The following STARD13 variants were observed in gnomAD, a reference collection of about 807,000 sequenced individuals.
STARD13 encodes StAR related lipid transfer domain containing 13, also known as stAR-related lipid transfer protein 13.
Under a neutral mutation model 106.4 loss-of-function variants are expected in STARD13, and 62 were observed. The observed-to-expected ratio is 0.58, with a 90% CI of 0.48 to 0.72. STARD13 has a LOEUF of 0.72. Among genes scored for constraint, STARD13 ranks in the 30% least tolerant of loss-of-function variants. The pLI, the probability that STARD13 is intolerant of heterozygous loss-of-function variation, is 0.00. For synonymous variants in STARD13, 565 were observed against 553.0 expected (o/e 1.02, Z -0.31); for missense variants, 1,387 against 1,424.0 (o/e 0.97, Z 0.42).
intron 3 of STARD13, among the ~76,000 whole-genome samples, chr13:33,147,870 G>C (rs1307261508): frequency 1.3e-5 from 2 of 152,180 alleles, no homozygotes; most frequent in Non-Finnish European, 2.9e-5. Flanking sequence ...TGAAAGAATA[G>C]ACAAAGAGAT....
At chr13:33,354,339 C>T (rs372819764), upstream of STARD13, among the ~76,000 whole-genome samples, 7 of 152,324 alleles carry the variant, frequency 4.6e-5, no homozygotes, top group South Asian at 2.1e-4. Flanking sequence ...ACTCATCCTT[C>T]GAGATTCAAC....
At chr13:33,121,013 TTACAGGTGTGAGCCGCCATGGCTGGCCTA>T (rs1245829719) in intron 7 of STARD13, among the ~76,000 whole-genome samples, 1 of 152,102 alleles carries the variant, frequency 6.6e-6, no homozygotes, top group African/African-American at 2.4e-5. Context: ...AGTGCTGGCA[TTACAGGTGTGAGCCGCCATGGCTGGCCTA>T]TTTCCTGACT....
intron 1 of STARD13, among the ~76,000 whole-genome samples, chr13:33,341,021 C>T (rs1266495209): frequency 1.3e-5 from 2 of 152,170 alleles, no homozygotes; most frequent in African/African-American, 4.8e-5. Context: ...AATGTTTGTC[C>T]TTCAACTCAA....
the STARD13 span, among the ~76,000 whole-genome samples, chr13:33,502,104 C>T: frequency 0.3 from 45,266 of 151,980 alleles, 7,585 homozygotes; most frequent in Non-Finnish European, 0.39. Flanking sequence ...CTTCACATCC[C>T]TTATAAGTTG....
At chr13:33,594,434 C>T in the STARD13 span, among the ~76,000 whole-genome samples, 2 of 152,128 alleles carry the variant, frequency 1.3e-5, no homozygotes, top group Non-Finnish European at 2.9e-5. Context: ...TCTACTAAAA[C>T]CATGAACTTT....
intron 1 of STARD13, among the ~76,000 whole-genome samples, chr13:33,321,837 G>A (rs1167565267): frequency 6.6e-6 from 1 of 152,196 alleles, no homozygotes; most frequent in African/African-American, 2.4e-5. Flanking sequence ...GCTCATAGGA[G>A]TTTTTCTTCT....
chr13:33,568,668 G>A, the STARD13 span, among the ~76,000 whole-genome samples: 1 of 147,886 alleles, frequency 6.8e-6, no homozygotes, highest in Non-Finnish European at 1.5e-5. Flanking sequence ...AAAGTCCCAG[G>A]TTATAAACGG....
the STARD13 span, among the ~76,000 whole-genome samples, chr13:33,637,465 G>A: frequency 1.1e-3 from 173 of 152,296 alleles, no homozygotes; most frequent in African/African-American, 4.0e-3. Flanking sequence ...AGGATAAACA[G>A]CCACAGGGTA....
intron 1 of STARD13, among the ~76,000 whole-genome samples, chr13:33,311,129 TA>T (rs35391177): frequency 0.022 from 2,873 of 128,390 alleles, 66 homozygotes; most frequent in African/African-American, 0.05. Context: ...CACCATTTCT[TA>T]AAAAAAAAAA....
chr13:33,668,456 T>C, the STARD13 span, among the ~76,000 whole-genome samples: 4 of 152,230 alleles, frequency 2.6e-5, no homozygotes, highest in East Asian at 7.7e-4. Context: ...TGACAATTGG[T>C]CAAACTGGAT....
At chr13:33,653,243 A>G in the STARD13 span, among the ~76,000 whole-genome samples, 1 of 152,202 alleles carries the variant, frequency 6.6e-6, no homozygotes. Context: ...AGACGAACAA[A>G]GTTACAAGAC....
upstream of STARD13, among the ~76,000 whole-genome samples, chr13:33,353,041 C>A (rs1378127315): frequency 5.9e-5 from 9 of 152,212 alleles, no homozygotes. Flanking sequence ...CCACGTCCCT[C>A]ACCTGTGTTG....
the STARD13 span, among the ~76,000 whole-genome samples, chr13:33,627,653 T>C: frequency 1.4e-5 from 2 of 147,396 alleles, no homozygotes; most frequent in Admixed American, 6.7e-5. Flanking sequence ...AAAAAAAAAA[T>C]GTTCTTTTCT....
intron 1 of STARD13, among the ~76,000 whole-genome samples, chr13:33,246,550 T>G (rs565018727): frequency 6.6e-6 from 1 of 152,324 alleles, no homozygotes; most frequent in South Asian, 2.1e-4. Flanking sequence ...TTTAAAAATT[T>G]TATTAATTCT....
At chr13:33,355,573 G>A (rs556905087), upstream of STARD13, 4 of 152,224 alleles carry the variant, frequency 2.6e-5, no homozygotes, top group East Asian at 1.9e-4. Context: ...AAGAGCTCTC[G>A]CAACTCTCTC....
the STARD13 span, among the ~76,000 whole-genome samples, chr13:33,497,777 T>C: frequency 2.0e-5 from 3 of 152,218 alleles, no homozygotes; most frequent in South Asian, 6.2e-4. Flanking sequence ...CTACTCATTG[T>C]GGAGAGTATC....
chr13:33,144,380 C>T (rs1880246416), intron 3 of STARD13, among the ~76,000 whole-genome samples: 1 of 152,320 alleles, frequency 6.6e-6, no homozygotes, highest in Admixed American at 6.5e-5. Flanking sequence ...TGAAGTCTTG[C>T]CTCTCCTTTG....
At chr13:33,439,610 T>A in the STARD13 span, 1 of 678,348 alleles carries the variant, frequency 1.5e-6, no homozygotes, top group South Asian at 1.5e-5. Flanking sequence ...TTATGGCATG[T>A]TTAAATTTAT....
intron 1 of STARD13, among the ~76,000 whole-genome samples, chr13:33,274,515 A>G (rs1410624223): frequency 6.6e-6 from 1 of 152,198 alleles, no homozygotes; most frequent in Middle Eastern, 3.2e-3. Flanking sequence ...AGCCCCAGCA[A>G]ACTAAGACAG....
Sources: allele counts gnomAD v4.1 joint callset (sites outside exome capture counted in the v4.1 genomes callset), GRCh38; gene constraint gnomAD v4.1.1; transcripts MANE v1.5; gene names NCBI Gene and HGNC (gene_info 2026-07-23, HGNC 2026-07-21).